The following PAPSS1 variants were observed in gnomAD, a reference collection of about 807,000 sequenced individuals.
PAPSS1 encodes 3'-phosphoadenosine 5'-phosphosulfate synthase 1.
In PAPSS1, 50 loss-of-function variants were observed where a neutral mutation model predicts 72.0. The ratio of observed to expected loss-of-function variants is 0.69; its 90% CI spans 0.55 to 0.88. The LOEUF (loss-of-function observed/expected upper bound fraction) is 0.88. Ranked by LOEUF, PAPSS1 falls within the 40% of genes least tolerant of loss-of-function variation. PAPSS1 has a pLI of 0.00. For synonymous variants in PAPSS1, 261 were observed against 263.6 expected, an observed-to-expected ratio of 0.99 and a Z score of 0.09; for missense variants, 657 against 782.2, an observed-to-expected ratio of 0.84 and a Z score of 1.91.
Position 107,693,797 on chromosome 4 carries a change from T to C in PAPSS1, c.385A>G (p.Thr129Ala). The C allele has an allele frequency of 6.2e-7, 1 of 1,613,568 alleles. No individual in the cohort carries two copies. Among genetic ancestry groups the C allele is most frequent in the African/African-American group, 1.3e-5 (1 of 75,032 alleles). Reference sequence around the variant, plus strand: ...TGAGTGTAAGGTGATATGAAACTTGTGATGCACACTAAGCCAGCATCTGCA... The same window carrying C: ...TGAGTGTAAGGTGATATGAAACTTGCGATGCACACTAAGCCAGCATCTGCA... ...LFADAGLVCI[T>A]SFISPYTQDR... Residue 129 changes from threonine (T) to alanine (A), a missense_variant, in exon 3 of 12, where the codon ACA becomes GCA. Thr to Ala is a moderately conservative substitution (Grantham distance 58). Around this residue, in one of 7 missense-constraint regions of PAPSS1, gnomAD observed 119 missense variants for 171.1 expected, o/e 0.70. Coordinates refer to ENST00000265174, the MANE Select transcript of PAPSS1 (RefSeq NM_005443.5).
intron 10 of PAPSS1, among the ~76,000 whole-genome samples, chr4:107,640,495 G>A (rs1456827043): frequency 6.8e-6 from 1 of 147,754 alleles, no homozygotes; most frequent in East Asian, 2.2e-4. Context: ...ATTATTAGTT[G>A]GCAAATAAGC....
chr4:107,662,572 A>G (rs1727210978), intron 5 of PAPSS1, among the ~76,000 whole-genome samples: 1 of 151,972 alleles, frequency 6.6e-6, no homozygotes, highest in South Asian at 2.1e-4. Flanking sequence ...TAGTTTATAC[A>G]TAATACCAGG....
At chr4:107,621,416 A>C (rs549875942) in intron 11 of PAPSS1, among the ~76,000 whole-genome samples, 1 of 152,210 alleles carries the variant, frequency 6.6e-6, no homozygotes, top group East Asian at 1.9e-4. Flanking sequence ...CCACACAAAA[A>C]GTATTGGTGA....
At chr4:107,679,028 A>G (rs1488470276) in intron 5 of PAPSS1, among the ~76,000 whole-genome samples, 1 of 152,130 alleles carries the variant, frequency 6.6e-6, no homozygotes, top group Non-Finnish European at 1.5e-5. Flanking sequence ...ATGCTAATGC[A>G]TGTGAGGAAA....
At chr4:107,699,094 T>C (rs1033480192) in intron 2 of PAPSS1, among the ~76,000 whole-genome samples, 5 of 152,118 alleles carry the variant, frequency 3.3e-5, no homozygotes, top group Non-Finnish European at 5.9e-5. Context: ...ATAAGTATCA[T>C]TAGTGATGAA....
At chr4:107,618,794 A>AGACTTAG (rs936077820) in intron 11 of PAPSS1, among the ~76,000 whole-genome samples, 3 of 152,144 alleles carry the variant, frequency 2.0e-5, no homozygotes, top group Non-Finnish European at 2.9e-5. Context: ...TCTCAGGACA[A>AGACTTAG]GACTTAGCAA....
intron 2 of PAPSS1, chr4:107,694,339 C>T: frequency 4.1e-6 from 1 of 245,330 alleles, no homozygotes; most frequent in East Asian, 9.2e-5. Flanking sequence ...ATTCATTATG[C>T]AAAGCAATCT....
chr4:107,717,952 CA>C (rs1723680097), intron 1 of PAPSS1, among the ~76,000 whole-genome samples: 1 of 152,184 alleles, frequency 6.6e-6, no homozygotes. Context: ...GATGAATTAA[CA>C]AGAACATAAA....
At chr4:107,614,986 A>C (rs1275906948) in intron 11 of PAPSS1, among the ~76,000 whole-genome samples, 1 of 151,532 alleles carries the variant, frequency 6.6e-6, no homozygotes, top group African/African-American at 2.4e-5. Context: ...TTTTTTCAAG[A>C]AAACACTAAA....
chr4:107,636,257 C>T (rs970815653), intron 10 of PAPSS1, among the ~76,000 whole-genome samples: 2 of 151,922 alleles, frequency 1.3e-5, no homozygotes, highest in Admixed American at 6.6e-5. Flanking sequence ...GAATTAAATT[C>T]CTAAACAGCA....
chr4:107,648,062 G>A (rs1726739404), intron 9 of PAPSS1, among the ~76,000 whole-genome samples: 1 of 152,010 alleles, frequency 6.6e-6, no homozygotes, highest in African/African-American at 2.4e-5. Flanking sequence ...TCCTTCTCCT[G>A]TACTGCATGT....
chr4:107,649,219 G>A (rs1466573172), intron 9 of PAPSS1, among the ~76,000 whole-genome samples: 1 of 152,202 alleles, frequency 6.6e-6, no homozygotes, highest in African/African-American at 2.4e-5. Flanking sequence ...GGCAACCAGA[G>A]GATGGACGGA....
intron 5 of PAPSS1, among the ~76,000 whole-genome samples, chr4:107,672,400 C>A (rs1187678992): frequency 6.6e-6 from 1 of 152,228 alleles, no homozygotes; most frequent in African/African-American, 2.4e-5. Flanking sequence ...TCTTAGCAAA[C>A]AGCACACCAG....
At chr4:107,685,119 T>C (rs1482410137) in intron 4 of PAPSS1, among the ~76,000 whole-genome samples, 1 of 152,156 alleles carries the variant, frequency 6.6e-6, no homozygotes. Context: ...TTAGCGAGGA[T>C]GGTCTCGAAT....
At chr4:107,635,000 G>T (rs373601740) in intron 10 of PAPSS1, among the ~76,000 whole-genome samples, 2 of 151,824 alleles carry the variant, frequency 1.3e-5, no homozygotes, top group Non-Finnish European at 2.9e-5. Flanking sequence ...GGGTTTTACC[G>T]TGTTAGCCAG....
intron 5 of PAPSS1, among the ~76,000 whole-genome samples, chr4:107,661,751 T>C (rs6831597): frequency 3.3e-5 from 5 of 152,004 alleles, no homozygotes; most frequent in African/African-American, 1.2e-4. Context: ...TCCTGAGGAA[T>C]AGATGACCTC....
chr4:107,672,483 C>T (rs1273960249), intron 5 of PAPSS1, among the ~76,000 whole-genome samples: 1 of 152,184 alleles, frequency 6.6e-6, no homozygotes, highest in Non-Finnish European at 1.5e-5. Context: ...GCACAGCAGT[C>T]TGAGATCAAA....
At chr4:107,649,506 C>A (rs1343734167) in intron 9 of PAPSS1, among the ~76,000 whole-genome samples, 1 of 152,216 alleles carries the variant, frequency 6.6e-6, no homozygotes, top group Non-Finnish European at 1.5e-5. Context: ...ATGCTCAAAG[C>A]CTCATCTGAG....
chr4:107,626,741 C>T (rs1726111032), intron 11 of PAPSS1, among the ~76,000 whole-genome samples: 1 of 152,150 alleles, frequency 6.6e-6, no homozygotes, highest in South Asian at 2.1e-4. Context: ...CAAAAGACAA[C>T]CTCATCTGTG....
Sources: allele counts gnomAD v4.1 joint callset (sites outside exome capture counted in the v4.1 genomes callset), GRCh38; gene constraint gnomAD v4.1.1; regional missense constraint gnomAD v4.1.1; transcripts MANE v1.5; gene names NCBI Gene and HGNC (gene_info 2026-07-23, HGNC 2026-07-21).